RALGPS1: variants seen among roughly 807,000 people sequenced by gnomAD.
RALGPS1 encodes the protein ras-specific guanine nucleotide-releasing factor RalGPS1.
RALGPS1 carries 19 observed loss-of-function variants against 78.8 expected under a neutral mutation model. The observed-to-expected ratio is 0.24, with a 90% CI of 0.17 to 0.35. The LOEUF (loss-of-function observed/expected upper bound fraction) is 0.35. RALGPS1 is among the 10% of genes least tolerant of loss of function. The pLI is 1.00. For synonymous variants in RALGPS1, 228 were observed against 256.3 expected, an observed-to-expected ratio of 0.89 and a Z score of 1.06; for missense variants, 454 against 688.3, an observed-to-expected ratio of 0.66 and a Z score of 3.81.
intron 14 of RALGPS1, among the ~76,000 whole-genome samples, chr9:127,206,892 C>G (rs1055583012): frequency 1.3e-5 from 2 of 152,092 alleles, no homozygotes; most frequent in African/African-American, 2.4e-5. Flanking sequence ...GTGCCCTGGC[C>G]ACTTCCACCT....
chr9:126,954,041 T>A (rs1009080449), intron 1 of RALGPS1, among the ~76,000 whole-genome samples: 2 of 152,112 alleles, frequency 1.3e-5, no homozygotes, highest in African/African-American at 4.8e-5. Context: ...TGCCCACACT[T>A]TACTTGGAGC....
rs780021238 is a variant in RALGPS1 at position 127,212,684 on chromosome 9, G to A, written c.1411G>A (p.Gly471Arg). The A allele has an allele frequency of 2.3e-5, 37 of 1,613,534 alleles. 1 individual carries two copies. The highest frequency in any genetic ancestry group is 3.3e-5 in the South Asian group (3 of 91,050). ...ILSGSTLLYY[G>R]AKSLRGTDRK... ...CTCAGGATCCACCCTCCTGTACTAC[G>A]GAGCCAAGTCCTTGCGGGGCACAGA... Residue 471 changes from glycine to arginine, a missense_variant, in exon 16 of 19, where the codon GGA becomes AGA. Physicochemically the swap from Gly to Arg is moderately radical, Grantham distance 125 (BLOSUM62 -2). Transcript: ENST00000259351. This position sits in a 1 kb window ranked among gnomAD's most constrained non-coding sequence, Gnocchi z 6.0.
chr9:127,130,304 A>G (rs1475582408), intron 8 of RALGPS1, among the ~76,000 whole-genome samples: 1 of 152,228 alleles, frequency 6.6e-6, no homozygotes, highest in African/African-American at 2.4e-5. Flanking sequence ...CTAGTGCAAT[A>G]TTGGAGACAT....
intron 1 of RALGPS1, among the ~76,000 whole-genome samples, chr9:126,945,351 A>G (rs1457052079): frequency 1.3e-5 from 2 of 151,802 alleles, no homozygotes; most frequent in East Asian, 3.9e-4. Context: ...GGCACTCACC[A>G]CTACACCCAG....
At chr9:127,069,854 TC>T (rs2050037867) in intron 8 of RALGPS1, 1 of 152,432 alleles carries the variant, frequency 6.6e-6, no homozygotes, top group Admixed American at 6.5e-5. Context: ...GATATTTGCT[TC>T]ATATCTTATT....
chr9:127,105,677 T>G (rs1460665921), intron 8 of RALGPS1, among the ~76,000 whole-genome samples: 1 of 152,136 alleles, frequency 6.6e-6, no homozygotes. Flanking sequence ...TTTTAGAAAT[T>G]TTGGCCTCGA....
chr9:126,989,700 T>C (rs1431899989), intron 4 of RALGPS1, among the ~76,000 whole-genome samples: 2 of 152,112 alleles, frequency 1.3e-5, no homozygotes, highest in Non-Finnish European at 2.9e-5. Context: ...GCAGTTCTGG[T>C]TAGAATGAGG....
intron 4 of RALGPS1, among the ~76,000 whole-genome samples, chr9:126,994,698 C>G (rs1373246377): frequency 6.6e-6 from 1 of 151,944 alleles, no homozygotes; most frequent in African/African-American, 2.4e-5. Context: ...AGATACTCCT[C>G]GAGAAGAGCA....
chr9:127,075,646 C>G (rs983283012), intron 8 of RALGPS1, among the ~76,000 whole-genome samples: 9 of 152,214 alleles, frequency 5.9e-5, no homozygotes, highest in African/African-American at 2.2e-4. Context: ...TCTTTTCCCC[C>G]TTGGGGTGAG....
chr9:127,092,031 G>A, intron 8 of RALGPS1: 9 of 1,499,302 alleles, frequency 6.0e-6, no homozygotes, highest in South Asian at 5.2e-5. Context: ...TGGATAGAGG[G>A]GCCTGGGAAA....
chr9:127,089,773 A>G (rs2052234965), intron 8 of RALGPS1, among the ~76,000 whole-genome samples: 1 of 152,240 alleles, frequency 6.6e-6, no homozygotes, highest in Admixed American at 6.5e-5. Context: ...AAGGACAAGC[A>G]GTTCAGAACA....
chr9:127,149,395 G>A (rs111544303), intron 8 of RALGPS1, among the ~76,000 whole-genome samples: 13 of 152,354 alleles, frequency 8.5e-5, no homozygotes, highest in Admixed American at 3.9e-4. Context: ...AGCGTTTGGC[G>A]CTAGAGGGCT....
chr9:126,923,042 A>G (rs2034923490), intron 1 of RALGPS1, among the ~76,000 whole-genome samples: 2 of 152,316 alleles, frequency 1.3e-5, no homozygotes, highest in East Asian at 3.9e-4. Flanking sequence ...TGCCTAGCCT[A>G]GCATCCGGCC....
chr9:126,985,030 T>C (rs556640522), intron 4 of RALGPS1, among the ~76,000 whole-genome samples: 81 of 152,350 alleles, frequency 5.3e-4, no homozygotes, highest in Non-Finnish European at 1.0e-3. Context: ...CTCAACTTAC[T>C]CCTTGTCATA....
At chr9:127,156,720 A>T (rs367707138) in intron 8 of RALGPS1, among the ~76,000 whole-genome samples, 2 of 152,106 alleles carry the variant, frequency 1.3e-5, no homozygotes, top group East Asian at 3.9e-4. Flanking sequence ...ATCATGCAGA[A>T]GTGTGTGGGT....
intron 8 of RALGPS1, among the ~76,000 whole-genome samples, chr9:127,101,132 T>C (rs1395726159): frequency 1.3e-5 from 2 of 152,216 alleles, no homozygotes; most frequent in Non-Finnish European, 2.9e-5. Flanking sequence ...TCCTTTTCAG[T>C]GTTCCCAAAA....
At chr9:127,120,506 G>C (rs2055933452) in intron 8 of RALGPS1, among the ~76,000 whole-genome samples, 1 of 152,238 alleles carries the variant, frequency 6.6e-6, no homozygotes, top group African/African-American at 2.4e-5. Flanking sequence ...AACCCTAGCA[G>C]GATATGTCCA....
chr9:127,203,340 A>G (rs974386619), intron 14 of RALGPS1, among the ~76,000 whole-genome samples: 56 of 152,240 alleles, frequency 3.7e-4, no homozygotes, highest in African/African-American at 1.3e-3. Context: ...TATAAAAGAA[A>G]ACATAATCAG....
chr9:127,188,832 T>TTAAAAAAAAAAAAAAAAAAAA lies in RALGPS1; in HGVS notation c.911-6259_911-6258insTAAAAAAAAAAAAAAAAAAAA, dbSNP rs756481918. ...AAAGACTAAGAAACCCCATCTCTAC[T>TTAAAAAAAAAAAAAAAAAAAA]AAAAAAAAAAAAAAAAATGTAGCCA... On this transcript the variant is annotated intron_variant, in intron 11 of 18. Transcript: ENST00000259351. Among the ~76,000 whole-genome samples, 261 of 87,408 alleles carry TTAAAAAAAAAAAAAAAAAAAA rather than the reference T, an allele frequency of 3.0e-3. 44 individuals are homozygous for TTAAAAAAAAAAAAAAAAAAAA. The highest frequency in any genetic ancestry group is 0.01 in the South Asian group (19 of 1,830). The allele number at this position is 87,408 out of a possible 152,430, so 57.3% of individuals were successfully genotyped here.
Sources: gnomAD v4.1 joint callset for allele counts (sites outside exome capture counted in the v4.1 genomes callset) on GRCh38, gnomAD v4.1.1 for gene constraint, Gnocchi (gnomAD v3.1) non-coding constraint, MANE v1.5 for transcripts, NCBI Gene and HGNC (gene_info 2026-07-23, HGNC 2026-07-21) for gene names.